APLP2: variants seen among roughly 807,000 people sequenced by gnomAD.
The protein encoded by APLP2 is CDEI box-binding protein.
Under a neutral mutation model 89.9 loss-of-function variants are expected in APLP2, and 53 were observed. The observed-to-expected ratio is 0.59, with a 90% CI of 0.47 to 0.74. The LOEUF (loss-of-function observed/expected upper bound fraction) is 0.74. APLP2 is among the 30% of genes least tolerant of loss of function. The probability of loss-of-function intolerance (pLI) is 0.00; values close to 1 mark genes in which losing one functional copy is unlikely to be tolerated. For synonymous variants in APLP2, 372 were observed against 348.6 expected (o/e 1.07, Z -0.75); for missense variants, 973 against 975.9 (o/e 1.00, Z 0.04).
intron 14 of APLP2, 27 bp downstream of exon 14, chr11:130,140,510 C>T (rs1218274908): frequency 1.3e-6 from 2 of 1,570,764 alleles, no homozygotes; most frequent in South Asian, 1.2e-5. Context: ...TTCTGCCCAA[C>T]ACGCTTTACT....
chr11:130,137,816 A>G (rs527855069), intron 13 of APLP2, among the ~76,000 whole-genome samples: 16 of 152,214 alleles, frequency 1.1e-4, no homozygotes, highest in Non-Finnish European at 2.2e-4. Context: ...CCAATGGATC[A>G]AACAGCTGGA....
intron 3 of APLP2, among the ~76,000 whole-genome samples, chr11:130,117,739 T>G (rs1324719845): frequency 6.6e-6 from 1 of 152,230 alleles, no homozygotes; most frequent in African/African-American, 2.4e-5. Flanking sequence ...CTTTACATCA[T>G]TTTTTAGTTT....
At chr11:130,134,332 G>A (rs1439805303) in intron 12 of APLP2, among the ~76,000 whole-genome samples, 1 of 152,208 alleles carries the variant, frequency 6.6e-6, no homozygotes, top group Non-Finnish European at 1.5e-5. Context: ...ACGGTGGCCT[G>A]AGATCCGAAT....
At chr11:130,083,750 T>G (rs957073771) in intron 1 of APLP2, among the ~76,000 whole-genome samples, 1 of 152,248 alleles carries the variant, frequency 6.6e-6, no homozygotes, top group Non-Finnish European at 1.5e-5. Flanking sequence ...TTAGGTTGTT[T>G]CCATGTCTTG....
At chr11:130,125,681 T>C (rs1337599144) in intron 7 of APLP2, among the ~76,000 whole-genome samples, 1 of 152,234 alleles carries the variant, frequency 6.6e-6, no homozygotes, top group African/African-American at 2.4e-5. Flanking sequence ...TTCTAGAAAT[T>C]AGGTGAATTT....
At chr11:130,092,485 C>T (rs1314156297) in intron 1 of APLP2, among the ~76,000 whole-genome samples, 7 of 137,540 alleles carry the variant, frequency 5.1e-5, no homozygotes, top group African/African-American at 1.2e-4. Context: ...CTCGGGAGGC[C>T]GAGGTTGGCG....
intron 1 of APLP2, among the ~76,000 whole-genome samples, chr11:130,088,124 A>G (rs191694131): frequency 2.6e-5 from 4 of 152,334 alleles, no homozygotes; most frequent in African/African-American, 9.6e-5. Flanking sequence ...CATGAGGCAT[A>G]TTATTGTAAC....
chr11:130,109,659 G>C, intron 2 of APLP2, 57 bp downstream of exon 2: 1 of 1,520,252 alleles, frequency 6.6e-7, no homozygotes, highest in Admixed American at 2.0e-5. Flanking sequence ...GGTTGAATCT[G>C]TTTACCTTAG....
At chr11:130,134,418 A>T (rs1951306475) in intron 12 of APLP2, among the ~76,000 whole-genome samples, 1 of 152,190 alleles carries the variant, frequency 6.6e-6, no homozygotes, top group Non-Finnish European at 1.5e-5. Context: ...GAAGTCAGGC[A>T]TCACATTTGA....
chr11:130,124,606 CTG>C (rs1345619953), intron 7 of APLP2, among the ~76,000 whole-genome samples: 1 of 152,220 alleles, frequency 6.6e-6, no homozygotes, highest in Non-Finnish European at 1.5e-5. Flanking sequence ...GGTTCCTACT[CTG>C]GAATTTGTTG....
intron 1 of APLP2, among the ~76,000 whole-genome samples, chr11:130,087,232 A>C (rs572378441): frequency 6.6e-6 from 1 of 152,230 alleles, no homozygotes; most frequent in Admixed American, 6.5e-5. Context: ...TGTGATACCT[A>C]GTACGTAACC....
At chr11:130,142,394 TG>T (rs1160591149) in intron 16 of APLP2, among the ~76,000 whole-genome samples, 1 of 152,048 alleles carries the variant, frequency 6.6e-6, no homozygotes, top group Non-Finnish European at 1.5e-5. Context: ...TTTTTTTTAA[TG>T]GGGGAAAGGA....
intron 1 of APLP2, among the ~76,000 whole-genome samples, chr11:130,093,389 A>T (rs766605011): frequency 6.6e-6 from 1 of 152,220 alleles, no homozygotes; most frequent in African/African-American, 2.4e-5. Context: ...CAAAGGAGAG[A>T]AGAGGGGGCA....
At chr11:130,075,303 C>T (rs11221941) in intron 1 of APLP2, among the ~76,000 whole-genome samples, 15,220 of 152,222 alleles carry the variant, frequency 0.1, 1,148 homozygotes, top group African/African-American at 0.2. Flanking sequence ...TGCATACCAC[C>T]ACATTCGGCC....
chr11:130,109,798 G>A (rs1222957865), intron 2 of APLP2, 196 bp downstream of exon 2: 2 of 515,312 alleles, frequency 3.9e-6, no homozygotes, highest in African/African-American at 4.0e-5. Flanking sequence ...TGTTCTGTGA[G>A]CTCTCAGTTC....
intron 3 of APLP2, among the ~76,000 whole-genome samples, chr11:130,119,366 G>A (rs776673274): frequency 3.9e-5 from 6 of 152,174 alleles, no homozygotes; most frequent in Non-Finnish European, 8.8e-5. Flanking sequence ...ACTGATCAGA[G>A]TCTTGGGGTG....
At chr11:130,126,636 G>A (rs1950396774) in intron 7 of APLP2, 64 bp from the exon 8 acceptor site, 1 of 1,595,020 alleles carries the variant, frequency 6.3e-7, no homozygotes, top group Non-Finnish European at 8.6e-7. Context: ...CCTGAGCTGG[G>A]TTTTCTTCCT....
chr11:130,125,526 T>C (rs1469829121), intron 7 of APLP2, among the ~76,000 whole-genome samples: 3 of 152,246 alleles, frequency 2.0e-5, no homozygotes, highest in Admixed American at 6.5e-5. Flanking sequence ...AGGGCTCATA[T>C]TCTTCATGAC....
chr11:130,137,364 T>G lies in APLP2; in HGVS notation c.1837+1649T>G, dbSNP rs1013131849. ...TCCCTAGTGTGTCCGAAGCTTCATG[T>G]TCTGTTTCATGCCATCACCTGGCTT... On this transcript the variant is annotated intron_variant, in intron 13 of 16. Coordinates refer to ENST00000338167, the MANE Select transcript of APLP2 (RefSeq NM_001142276.2). 8.7e-6 allele frequency: 12 copies of G among 1,372,696 alleles called. No individual in the cohort carries two copies. In the African/African-American group the frequency reaches 1.7e-4, roughly 20 times the overall value. The allele number at this position is 1,372,696 out of a possible 1,614,324, so 85.0% of individuals were successfully genotyped here.
Sources: allele counts gnomAD v4.1 joint callset (sites outside exome capture counted in the v4.1 genomes callset), GRCh38; gene constraint gnomAD v4.1.1; transcripts MANE v1.5; gene names NCBI Gene and HGNC (gene_info 2026-07-23, HGNC 2026-07-21).